The following ZNF385D variants were observed in gnomAD, a reference collection of about 807,000 sequenced individuals.
The protein encoded by ZNF385D is zinc finger protein 659.
Under a neutral mutation model 35.8 loss-of-function variants are expected in ZNF385D, and 15 were observed. The ratio of observed to expected loss-of-function variants is 0.42; its 90% CI spans 0.28 to 0.64. The LOEUF (loss-of-function observed/expected upper bound fraction) is 0.64. Ranked by LOEUF, ZNF385D falls within the 30% of genes least tolerant of loss-of-function variation. ZNF385D has a pLI of 0.23. For missense variants in ZNF385D, 474 were observed against 494.6 expected (o/e 0.96, Z 0.39); for synonymous variants, 212 against 186.8 (o/e 1.13, Z -1.10).
chr3:22,282,388 A>G (rs1452257195), intron 2 of ZNF385D, among the ~76,000 whole-genome samples: 1 of 152,040 alleles, frequency 6.6e-6, no homozygotes, highest in Non-Finnish European at 1.5e-5. Flanking sequence ...CTTTCCTCTT[A>G]GCACCACTTT....
chr3:21,659,981 T>C (rs1424851045), intron 2 of ZNF385D, among the ~76,000 whole-genome samples: 1 of 152,106 alleles, frequency 6.6e-6, no homozygotes, highest in Non-Finnish European at 1.5e-5. Flanking sequence ...TTCACTTTTC[T>C]GTCCTCCAAT....
chr3:21,869,530 T>G (rs1465060328), intron 3 of ZNF385D, among the ~76,000 whole-genome samples: 1 of 152,040 alleles, frequency 6.6e-6, no homozygotes, highest in Non-Finnish European at 1.5e-5. Context: ...TAAAGCCCAC[T>G]AAGTTGAACA....
chr3:22,100,007 C>A (rs542218657), intron 3 of ZNF385D, among the ~76,000 whole-genome samples: 3 of 151,924 alleles, frequency 2.0e-5, no homozygotes, highest in African/African-American at 7.2e-5. Context: ...ACAACCCCAT[C>A]AAAAAGTGGG....
At chr3:22,158,866 C>T (rs1305494599) in intron 3 of ZNF385D, among the ~76,000 whole-genome samples, 1 of 151,964 alleles carries the variant, frequency 6.6e-6, no homozygotes, top group Non-Finnish European at 1.5e-5. Context: ...AAAATTCATG[C>T]ATACAAGAAT....
At chr3:21,992,617 G>GA (rs2125398227) in intron 3 of ZNF385D, among the ~76,000 whole-genome samples, 1 of 152,218 alleles carries the variant, frequency 6.6e-6, no homozygotes, top group Non-Finnish European at 1.5e-5. Context: ...GATATGACAA[G>GA]AAAAATCTCT....
At chr3:21,843,101 G>A (rs150260366) in intron 3 of ZNF385D, among the ~76,000 whole-genome samples, 84 of 152,134 alleles carry the variant, frequency 5.5e-4, no homozygotes, top group African/African-American at 2.0e-3. Flanking sequence ...TTATCCTGGA[G>A]AGTAGTTCTT....
At position 21,883,035 on chromosome 3, in the gene ZNF385D, T is replaced by G. The variant is rs906271979; in HGVS notation, c.326-218007A>C. Among the ~76,000 whole-genome samples, 5 of 151,972 alleles carry G rather than the reference T, an allele frequency of 3.3e-5. No individual in the cohort carries two copies. In the East Asian group the frequency reaches 5.8e-4, roughly 18 times the overall value. ...TATCATTCTGAGAAAATATTGATGC[T>G]TATTTGGAGGTGACAGATTTATGCT... On this transcript the variant is annotated intron_variant, in intron 3 of 5. Coordinates refer to the ZNF385D transcript ENST00000494108.
chr3:21,788,093 C>T (rs1235887200), intron 3 of ZNF385D, among the ~76,000 whole-genome samples: 1 of 150,030 alleles, frequency 6.7e-6, no homozygotes, highest in African/African-American at 2.5e-5. Flanking sequence ...AAGAGCTCTA[C>T]GAAATTAAAA....
chr3:21,491,036 T>A (rs1396556738), intron 4 of ZNF385D, among the ~76,000 whole-genome samples: 1 of 105,702 alleles, frequency 9.5e-6, no homozygotes, highest in Non-Finnish European at 1.9e-5. Context: ...GGTGACCCAA[T>A]CCTAACACAG....
intron 3 of ZNF385D, among the ~76,000 whole-genome samples, chr3:22,111,245 A>G (rs769729602): frequency 1.4e-4 from 18 of 131,040 alleles, no homozygotes; most frequent in Non-Finnish European, 2.6e-4. Flanking sequence ...AAACTGCTAT[A>G]TTTACTTACG....
chr3:22,323,171 G>A (rs1277600919), intron 2 of ZNF385D, among the ~76,000 whole-genome samples: 1 of 152,096 alleles, frequency 6.6e-6, no homozygotes, highest in Admixed American at 6.6e-5. Flanking sequence ...AGGAGATTTT[G>A]CACAAAGATT....
intron 3 of ZNF385D, among the ~76,000 whole-genome samples, chr3:21,970,132 G>C (rs1576039766): frequency 6.6e-6 from 1 of 152,070 alleles, no homozygotes; most frequent in South Asian, 2.1e-4. Flanking sequence ...ATGAAGGTAA[G>C]AATAAATATA....
At chr3:22,227,172 A>C (rs889195111) in intron 2 of ZNF385D, among the ~76,000 whole-genome samples, 1 of 150,758 alleles carries the variant, frequency 6.6e-6, no homozygotes, top group Non-Finnish European at 1.5e-5. Context: ...GTGTATATAT[A>C]TGTGTATGTG....
chr3:22,354,894 G>A (rs1489055780), intron 2 of ZNF385D, among the ~76,000 whole-genome samples: 4 of 151,928 alleles, frequency 2.6e-5, no homozygotes, highest in Non-Finnish European at 5.9e-5. Flanking sequence ...CATTTCAAAT[G>A]CTCAATAGCC....
At chr3:22,073,505 G>C (rs1008705467) in intron 3 of ZNF385D, among the ~76,000 whole-genome samples, 2 of 151,964 alleles carry the variant, frequency 1.3e-5, no homozygotes, top group Admixed American at 6.6e-5. Context: ...TTTTTAAAAA[G>C]TGTAAAAAGC....
In ZNF385D at chr3:21,446,487, C is replaced by CTTTTTT. The variant is rs71044918; in HGVS notation, c.440-9290_440-9285dup. Among the ~76,000 whole-genome samples the CTTTTTT allele has an allele frequency of 3.5e-3, 319 of 91,846 alleles. 18 individuals are homozygous for CTTTTTT. Among genetic ancestry groups the CTTTTTT allele is most frequent in the South Asian group, 5.3e-3 (15 of 2,812 alleles). The allele number at this position is 91,846 out of a possible 152,430, so 60.3% of individuals were successfully genotyped here. A position where few individuals can be genotyped will look rare whatever the true frequency, so the allele number is the denominator to read the frequency against. The stretch of plus-strand genomic sequence containing the variant: ...TTTTAGATACTACCTAATCAATGAA[C>CTTTTTT]TTTTTTTTTTTTTTTTTTTTTTTTG... On this transcript the variant is annotated intron_variant, in intron 4 of 7. Coordinates refer to ENST00000281523, the MANE Select transcript of ZNF385D (RefSeq NM_024697.3).
At chr3:22,298,185 G>C (rs563579607) in intron 2 of ZNF385D, among the ~76,000 whole-genome samples, 3 of 151,850 alleles carry the variant, frequency 2.0e-5, no homozygotes, top group South Asian at 4.1e-4. Flanking sequence ...TTTTTAAAAG[G>C]TTGCTAAGAA....
At chr3:21,918,040 G>C (rs887723427) in intron 3 of ZNF385D, among the ~76,000 whole-genome samples, 2 of 152,180 alleles carry the variant, frequency 1.3e-5, no homozygotes, top group African/African-American at 4.8e-5. Flanking sequence ...TTTGTGCTTT[G>C]ACTTAGAGAT....
chr3:21,490,011 G>A (rs1705311564), intron 4 of ZNF385D, among the ~76,000 whole-genome samples: 1 of 152,108 alleles, frequency 6.6e-6, no homozygotes, highest in African/African-American at 2.4e-5. Flanking sequence ...CTGGTTTGAA[G>A]CAAACACATA....
Sources: allele counts gnomAD v4.1 joint callset (sites outside exome capture counted in the v4.1 genomes callset), GRCh38; gene constraint gnomAD v4.1.1; transcripts MANE v1.5; gene names NCBI Gene and HGNC (gene_info 2026-07-23, HGNC 2026-07-21).